CDYL2: variants seen among roughly 807,000 people sequenced by gnomAD.
The protein encoded by CDYL2 is chromodomain Y-like protein 2.
A neutral mutation model predicts 49.4 loss-of-function variants in CDYL2; 23 were observed. The ratio of observed to expected loss-of-function variants is 0.47; its 90% confidence interval spans 0.34 to 0.66. The LOEUF (loss-of-function observed/expected upper bound fraction) is 0.66. Ranked by LOEUF, CDYL2 falls within the 30% of genes least tolerant of loss-of-function variation. CDYL2 has a pLI of 0.01. For missense variants in CDYL2, 678 were observed against 656.4 expected (o/e 1.03, Z -0.36); for synonymous variants, 360 against 268.8 (o/e 1.34, Z -3.32).
intron 1 of CDYL2, among the ~76,000 whole-genome samples, chr16:80,784,392 T>C (rs1907366500): frequency 6.6e-6 from 1 of 152,194 alleles, no homozygotes; most frequent in South Asian, 2.1e-4. Context: ...TATTCTGCAA[T>C]TTAGGCTCTG....
At chr16:80,770,536 T>C (rs1014415495) in intron 1 of CDYL2, among the ~76,000 whole-genome samples, 5 of 152,138 alleles carry the variant, frequency 3.3e-5, no homozygotes, top group Non-Finnish European at 7.4e-5. Flanking sequence ...ATACCACCCA[T>C]ATATTTTTCC....
intron 1 of CDYL2, among the ~76,000 whole-genome samples, chr16:80,785,016 C>T (rs76452155): frequency 0.023 from 3,500 of 152,054 alleles, 106 homozygotes; most frequent in African/African-American, 0.07. Context: ...GGGAAGAAAA[C>T]GGGGAGTGGT....
At chr16:80,734,831 T>A (rs536638718) in intron 1 of CDYL2, among the ~76,000 whole-genome samples, 1 of 152,278 alleles carries the variant, frequency 6.6e-6, no homozygotes, top group East Asian at 1.9e-4. Context: ...CTACGGTGTT[T>A]TCAATTTAAA....
At chr16:80,771,156 A>C (rs1025670192) in intron 1 of CDYL2, among the ~76,000 whole-genome samples, 4 of 152,232 alleles carry the variant, frequency 2.6e-5, no homozygotes, top group Non-Finnish European at 5.9e-5. Flanking sequence ...TGTCTGATAA[A>C]AGCAGATGAA....
chr16:80,801,766 CACATAACA>C (rs369428303), intron 1 of CDYL2, among the ~76,000 whole-genome samples: 311 of 152,230 alleles, frequency 2.0e-3, no homozygotes, highest in African/African-American at 6.8e-3. Flanking sequence ...ACTTTTTACC[CACATAACA>C]ACTTTACAGT....
At chr16:80,795,514 C>T (rs1440663320) in intron 1 of CDYL2, among the ~76,000 whole-genome samples, 4 of 152,156 alleles carry the variant, frequency 2.6e-5, no homozygotes, top group African/African-American at 7.2e-5. Flanking sequence ...AGCTTCTACT[C>T]GCTGGCTAAG....
In CDYL2 at chr16:80,676,615, C is replaced by T. The variant is rs573237481; in HGVS notation, c.616+7923G>A. 1.6e-4 allele frequency among the ~76,000 whole-genome samples: 25 copies of T among 152,308 alleles called. No homozygotes were observed. In the South Asian group the frequency reaches 4.8e-3, roughly 29 times the overall value. ...GGCAAGGAATGAGATGTTTCTGAAA[C>T]AGTCGTAGTTTTGAGGAAGTATCAA... On this transcript the variant is annotated intron_variant, in intron 2 of 6. Coordinates refer to ENST00000570137, the MANE Select transcript of CDYL2 (RefSeq NM_152342.4).
rs1905925936 is a variant in CDYL2 at position 80,598,291 on chromosome 16, C to T, written c.*6097G>A. 6.6e-6 allele frequency: 1 copy of T among 151,914 alleles called. No homozygotes were observed. 9.4% of individuals were successfully genotyped at this position (151,914 alleles called of 1,614,324 possible). A position where few individuals can be genotyped will look rare whatever the true frequency, so the allele number is the denominator to read the frequency against. On this transcript the variant is annotated 3_prime_UTR_variant, in exon 7 of 7. Coordinates refer to ENST00000570137, the MANE Select transcript of CDYL2 (RefSeq NM_152342.4). ...CGGTGGATTTTGGTGTATGCTACATCCATGATCAAATCCAAACACTCCTAG... is the reference window on the plus strand; with the variant it reads ...CGGTGGATTTTGGTGTATGCTACATTCATGATCAAATCCAAACACTCCTAG...
intron 1 of CDYL2, among the ~76,000 whole-genome samples, chr16:80,756,383 T>C (rs536698572): frequency 6.6e-6 from 1 of 152,068 alleles, no homozygotes; most frequent in Non-Finnish European, 1.5e-5. Context: ...ACAAGGGAAT[T>C]TGTTAACAAG....
intron 1 of CDYL2, among the ~76,000 whole-genome samples, chr16:80,740,854 A>C (rs1269265506): frequency 6.6e-6 from 1 of 151,490 alleles, no homozygotes; most frequent in African/African-American, 2.4e-5. Flanking sequence ...AAAAAAAAAA[A>C]AAGAGGTTTT....
At chr16:80,735,736 C>G (rs993985467) in intron 1 of CDYL2, among the ~76,000 whole-genome samples, 1 of 152,208 alleles carries the variant, frequency 6.6e-6, no homozygotes, top group Non-Finnish European at 1.5e-5. Context: ...GGACTCTCGA[C>G]AGAGTACTCT....
chr16:80,757,652 T>G (rs1039455471), intron 1 of CDYL2, among the ~76,000 whole-genome samples: 2 of 151,742 alleles, frequency 1.3e-5, no homozygotes, highest in African/African-American at 2.4e-5. Flanking sequence ...ATCTATATAT[T>G]TATTTGACAT....
chr16:80,702,192 A>ACACACACACACACACACACACG (rs1904305072), intron 1 of CDYL2, among the ~76,000 whole-genome samples: 1 of 151,614 alleles, frequency 6.6e-6, no homozygotes, highest in African/African-American at 2.4e-5. Context: ...AAACACACAC[A>ACACACACACACACACACACACG]CACACACACA....
At chr16:80,672,659 C>A (rs1013000767) in intron 2 of CDYL2, among the ~76,000 whole-genome samples, 3 of 151,774 alleles carry the variant, frequency 2.0e-5, no homozygotes, top group African/African-American at 7.3e-5. Flanking sequence ...TCTGGCTCTA[C>A]CTTGTTACCA....
rs546355564 is a variant in CDYL2, at chr16:80,683,844, C to G, written c.616+694G>C. On this transcript the variant is annotated intron_variant, in intron 2 of 6. Transcript: ENST00000570137. ...AGGAACAGGCCCTCACCCGATGCAG[C>G]ATCTGCTGGTGCCTTCATCATGGAC... is the stretch of plus-strand genomic sequence containing the variant. 2.0e-5 allele frequency among the ~76,000 whole-genome samples: 3 copies of G among 152,330 alleles called. No individual in the cohort carries two copies. The South Asian group carries it at 6.2e-4, about 32-fold the overall frequency.
chr16:80,720,548 C>T (rs1904963454), intron 1 of CDYL2, among the ~76,000 whole-genome samples: 1 of 152,222 alleles, frequency 6.6e-6, no homozygotes, highest in Admixed American at 6.5e-5. Flanking sequence ...CTGCTGACAA[C>T]TCTTTAAAAG....
At chr16:80,789,444 A>G (rs1240789811) in intron 1 of CDYL2, among the ~76,000 whole-genome samples, 1 of 152,178 alleles carries the variant, frequency 6.6e-6, no homozygotes, top group African/African-American at 2.4e-5. Flanking sequence ...TACTAAAAAT[A>G]CAAAAATTAG....
rs370355251 is a variant in CDYL2, at chr16:80,718,017, G to C, written c.25-32888C>G. ...TGTCTCACGCTGGGTGCTTTCTCAAGCAGTTACCAATCATCCTGACAAACC... is the reference window on the plus strand; with the variant it reads ...TGTCTCACGCTGGGTGCTTTCTCAACCAGTTACCAATCATCCTGACAAACC... On this transcript the variant is annotated intron_variant, in intron 1 of 6. Coordinates refer to ENST00000570137, the MANE Select transcript of CDYL2 (RefSeq NM_152342.4). 5.3e-5 allele frequency among the ~76,000 whole-genome samples: 8 copies of C among 152,300 alleles called. No individual in the cohort carries two copies. The East Asian group carries it at 9.7e-4, about 18-fold the overall frequency.
chr16:80,728,453 G>C (rs1413788390), intron 1 of CDYL2, among the ~76,000 whole-genome samples: 2 of 152,204 alleles, frequency 1.3e-5, no homozygotes, highest in African/African-American at 4.8e-5. Context: ...TATTTGAAAA[G>C]ATCAAATCTA....
Sources: allele counts gnomAD v4.1 joint callset (sites outside exome capture counted in the v4.1 genomes callset), GRCh38; gene constraint gnomAD v4.1.1; transcripts MANE v1.5; gene names NCBI Gene and HGNC (gene_info 2026-07-23, HGNC 2026-07-21).